Variants in OTOP1 observed in about 807,000 individuals in gnomAD.
OTOP1 encodes otopetrin 1.
OTOP1 carries 59 observed loss-of-function variants against 52.9 expected under a neutral mutation model. The observed-to-expected ratio is 1.12, with a 90% CI of 0.91 to 1.39. OTOP1 has a LOEUF of 1.39. Among genes scored for constraint, OTOP1 ranks in the 40% most tolerant of loss-of-function variants. The pLI is 0.00. For synonymous variants in OTOP1, 317 were observed against 337.7 expected, an observed-to-expected ratio of 0.94 and a Z score of 0.67; for missense variants, 761 against 800.9, an observed-to-expected ratio of 0.95 and a Z score of 0.60.
chr4:4,199,837 C>T (rs1004052407), intron 4 of OTOP1, among the ~76,000 whole-genome samples: 5 of 152,146 alleles, frequency 3.3e-5, no homozygotes, highest in Non-Finnish European at 7.3e-5. Flanking sequence ...AATCAGGTAG[C>T]GACCAACTTT....
intron 2 of OTOP1, among the ~76,000 whole-genome samples, chr4:4,211,232 T>A (rs1265737567): frequency 1.3e-5 from 2 of 152,212 alleles, no homozygotes; most frequent in Admixed American, 1.3e-4. Flanking sequence ...GGATAAAAGA[T>A]GAAGTTTTAA....
chr4:4,213,648 T>G (rs1428506093), intron 1 of OTOP1, among the ~76,000 whole-genome samples: 3 of 152,216 alleles, frequency 2.0e-5, no homozygotes, highest in Non-Finnish European at 4.4e-5. Context: ...CAGAATTTCC[T>G]TCCTTTTTAA....
Position 4,197,689 on chromosome 4 carries a change from G to C in OTOP1, c.1145C>G (p.Ser382Cys). 4 of 1,613,604 alleles carry C rather than the reference G, an allele frequency of 2.5e-6. No individual in the cohort carries two copies. The highest frequency in any genetic ancestry group is 3.4e-6 in the Non-Finnish European group (4 of 1,179,950). ...GTCCAGTTTGCGGGCCGGATTTTTGGACTCATCCAGTGACTTCTCGTCTAT... is the reference window on the plus strand; with the variant it reads ...GTCCAGTTTGCGGGCCGGATTTTTGCACTCATCCAGTGACTTCTCGTCTAT... ...YRIDEKSLDE[S>C]KNPARKLDSD... The change falls in exon 5 of 6, where the codon TCC (serine) becomes TGC (cysteine). Residue 382 changes from serine to cysteine, a missense_variant. By Grantham distance (112) the Ser-to-Cys change is moderately radical (BLOSUM62 -1). Transcript: ENST00000296358.
intron 3 of OTOP1, among the ~76,000 whole-genome samples, chr4:4,204,876 T>C (rs1577179305): frequency 6.6e-6 from 1 of 152,026 alleles, no homozygotes; most frequent in African/African-American, 2.4e-5. Context: ...GGTTCAAGGA[T>C]TCTTCTGCCT....
intron 5 of OTOP1, among the ~76,000 whole-genome samples, chr4:4,190,119 A>T (rs1306122510): frequency 2.0e-5 from 3 of 152,240 alleles, no homozygotes; most frequent in Non-Finnish European, 4.4e-5. Flanking sequence ...TGGTATATAC[A>T]GCCGACCTCT....
At position 4,226,098 on chromosome 4, in the gene OTOP1, G is replaced by C. The variant is rs538003149; in HGVS notation, c.403+364C>G. Reference sequence around the variant, plus strand: ...AACAAAGGAGGGGATCAAAGGAAACGGGCCCTCGGGGGCCGAGTGCTAGAA... The same window carrying C: ...AACAAAGGAGGGGATCAAAGGAAACCGGCCCTCGGGGGCCGAGTGCTAGAA... On this transcript the variant is annotated intron_variant, in intron 1 of 5. Transcript: ENST00000296358. Among the ~76,000 whole-genome samples, 69 of 152,314 alleles carry C rather than the reference G, an allele frequency of 4.5e-4. 1 individual carries two copies. The highest frequency in any genetic ancestry group is 1.4e-3 in the African/African-American group (57 of 41,576).
intron 1 of OTOP1, among the ~76,000 whole-genome samples, chr4:4,215,987 T>G (rs1327936554): frequency 3.9e-5 from 6 of 152,036 alleles, no homozygotes; most frequent in African/African-American, 1.4e-4. Context: ...TTAGTAGAGA[T>G]AGGTTTTTGC....
chr4:4,221,502 T>A (rs1314507804), intron 1 of OTOP1, among the ~76,000 whole-genome samples: 1 of 152,192 alleles, frequency 6.6e-6, no homozygotes, highest in African/African-American at 2.4e-5. Flanking sequence ...TCAGCCTTCC[T>A]GCAGACCTGG....
chr4:4,209,488 T>C (rs1367709548), intron 2 of OTOP1, among the ~76,000 whole-genome samples: 1 of 152,158 alleles, frequency 6.6e-6, no homozygotes, highest in African/African-American at 2.4e-5. Flanking sequence ...CTAAGAGGGA[T>C]ATTTTGAAAA....
Position 4,197,537 on chromosome 4 carries a change from T to A in OTOP1, c.1297A>T (p.Ile433Phe), listed in dbSNP as rs200557787. The A allele has an allele frequency of 4.2e-5, 67 of 1,613,956 alleles. No individual in the cohort carries two copies. In the Admixed American group the frequency reaches 9.0e-4, roughly 22 times the overall value. ...AGGTTCTGGATGTACTTCTCCACGA[T>A]CGCCAGGATGGAGTAGGGCAGGTTG... ...WYNLPYSILA[I>F]VEKYIQNLFI... The change falls in exon 5 of 6, where the codon ATC becomes TTC. Residue 433 changes from isoleucine (I) to phenylalanine (F), a missense_variant. Transcript: ENST00000296358.
At chr4:4,226,048 G>A (rs79817157) in intron 1 of OTOP1, among the ~76,000 whole-genome samples, 3 of 152,212 alleles carry the variant, frequency 2.0e-5, no homozygotes, top group African/African-American at 7.2e-5. Flanking sequence ...GAAAGTTCGC[G>A]AGAATGACCC....
At chr4:4,220,069 A>G (rs1359668937) in intron 1 of OTOP1, among the ~76,000 whole-genome samples, 28 of 128,278 alleles carry the variant, frequency 2.2e-4, no homozygotes, top group Non-Finnish European at 9.6e-5. Flanking sequence ...GTATATACAT[A>G]TATATGTATA....
At chr4:4,189,222 G>C (rs1479936208) in intron 5 of OTOP1, among the ~76,000 whole-genome samples, 1 of 152,172 alleles carries the variant, frequency 6.6e-6, no homozygotes, top group South Asian at 2.1e-4. Flanking sequence ...AGCACTTTCT[G>C]AACCCATCCA....
chr4:4,209,545 C>T (rs780408758), intron 2 of OTOP1, among the ~76,000 whole-genome samples: 1 of 152,174 alleles, frequency 6.6e-6, no homozygotes, highest in Non-Finnish European at 1.5e-5. Context: ...TTCAGTGGCT[C>T]CCCACTGCCC....
intron 4 of OTOP1, 78 bp downstream of exon 4, chr4:4,202,370 T>C (rs1437674650): frequency 2.5e-6 from 4 of 1,593,578 alleles, no homozygotes; most frequent in Non-Finnish European, 3.4e-6. Context: ...GCACTCCATC[T>C]CTGAACTCTG....
At chr4:4,225,730 A>G (rs531878019) in intron 1 of OTOP1, among the ~76,000 whole-genome samples, 1 of 152,070 alleles carries the variant, frequency 6.6e-6, no homozygotes, top group Admixed American at 6.5e-5. Flanking sequence ...TTTTCTCAAC[A>G]CCCACTTCGT....
At chr4:4,201,920 T>C (rs1240700493) in intron 4 of OTOP1, among the ~76,000 whole-genome samples, 1 of 152,132 alleles carries the variant, frequency 6.6e-6, no homozygotes, top group Non-Finnish European at 1.5e-5. Flanking sequence ...AATATAAAGA[T>C]TAACCCAACA....
intron 5 of OTOP1, among the ~76,000 whole-genome samples, chr4:4,193,243 C>T (rs1356773038): frequency 6.6e-6 from 1 of 152,058 alleles, no homozygotes; most frequent in South Asian, 2.1e-4. Context: ...CCCTTCCCCA[C>T]ACCTGCAGCT....
chr4:4,219,952 C>G (rs566795884), intron 1 of OTOP1, among the ~76,000 whole-genome samples: 1 of 141,496 alleles, frequency 7.1e-6, no homozygotes, highest in South Asian at 2.2e-4. Flanking sequence ...CACATATATA[C>G]GTATACATGT....
Sources: gnomAD v4.1 joint callset for allele counts (sites outside exome capture counted in the v4.1 genomes callset) on GRCh38, gnomAD v4.1.1 for gene constraint, MANE v1.5 for transcripts, NCBI Gene and HGNC (gene_info 2026-07-23, HGNC 2026-07-21) for gene names.